Variants in NT5DC3 observed in about 807,000 individuals in gnomAD.
NT5DC3 encodes 5'-nucleotidase domain-containing protein 3.
NT5DC3 carries 42 observed loss-of-function variants against 67.8 expected under a neutral mutation model. That is an observed-to-expected ratio of 0.62 (90% confidence interval 0.48 to 0.80). The LOEUF (loss-of-function observed/expected upper bound fraction) is 0.80. NT5DC3 is among the 30% of genes least tolerant of loss of function. The pLI, the probability that NT5DC3 is intolerant of heterozygous loss-of-function variation, is 0.00. For synonymous variants in NT5DC3, 237 were observed against 255.6 expected, an observed-to-expected ratio of 0.93 and a Z score of 0.69; for missense variants, 570 against 696.4, an observed-to-expected ratio of 0.82 and a Z score of 2.04.
chr12:103,767,028 A>AAAT (rs1885008529), downstream of NT5DC3: 1 of 152,252 alleles, frequency 6.6e-6, no homozygotes, highest in South Asian at 2.1e-4. Flanking sequence ...TTTGGCAAAA[A>AAAT]AATAAGTTAA....
chr12:103,759,621 C>T, the NT5DC3 span, among the ~76,000 whole-genome samples: 1 of 152,132 alleles, frequency 6.6e-6, no homozygotes, highest in Non-Finnish European at 1.5e-5. Context: ...CTGCCACTTG[C>T]TAACTGTAAG....
At chr12:103,756,996 A>AAAAAAAAAAT in the NT5DC3 span, among the ~76,000 whole-genome samples, 3 of 56,380 alleles carry the variant, frequency 5.3e-5, no homozygotes, top group African/African-American at 3.1e-4. Context: ...AAGGAGGGAA[A>AAAAAAAAAAT]ATATATATAT....
chr12:103,801,057 G>A (rs1224669135), intron 4 of NT5DC3, among the ~76,000 whole-genome samples: 1 of 151,882 alleles, frequency 6.6e-6, no homozygotes, highest in African/African-American at 2.4e-5. Flanking sequence ...TAAACTATAG[G>A]TACAAAAATG....
At chr12:103,765,088 A>C in the NT5DC3 span, among the ~76,000 whole-genome samples, 8 of 56,450 alleles carry the variant, frequency 1.4e-4, no homozygotes, top group African/African-American at 1.6e-4. Flanking sequence ...CTCTGTCTCA[A>C]AAAAAAAAAA....
chr12:103,791,021 C>G (rs112089133), intron 9 of NT5DC3, among the ~76,000 whole-genome samples: 2 of 152,068 alleles, frequency 1.3e-5, no homozygotes, highest in Non-Finnish European at 2.9e-5. Context: ...GCATAATACC[C>G]CCTCACATGG....
intron 7 of NT5DC3, 25 bp downstream of exon 7, chr12:103,793,912 C>G (rs12831666): frequency 6.3e-7 from 1 of 1,586,396 alleles, no homozygotes; most frequent in East Asian, 2.2e-5. Flanking sequence ...CTGAAACTCT[C>G]TTCGTGATAC....
At chr12:103,759,251 C>A in the NT5DC3 span, 1 of 1,614,126 alleles carries the variant, frequency 6.2e-7, no homozygotes, top group Middle Eastern at 1.6e-4. Context: ...CTCATCACTG[C>A]CAGCCAGGAC....
chr12:103,767,204 AAATG>A (rs1177177956), downstream of NT5DC3, among the ~76,000 whole-genome samples: 5 of 152,260 alleles, frequency 3.3e-5, no homozygotes, highest in Non-Finnish European at 7.3e-5. Context: ...GCTGAAAAAT[AAATG>A]AAGCTGTGGT....
chr12:103,835,812 C>T lies in NT5DC3; in HGVS notation c.208+5137G>A, dbSNP rs576977775. ...CATCAAAGCCCAAACTCTGGTCCAA[C>T]GGTATATCAGTCCATTTTCACGCTG... On this transcript the variant is annotated intron_variant, in intron 1 of 13. Transcript: ENST00000392876. Among the ~76,000 whole-genome samples the T allele has an allele frequency of 5.3e-5, 8 of 152,228 alleles. No homozygotes were observed. The South Asian group carries it at 1.5e-3, about 28-fold the overall frequency.
chr12:103,756,947 C>T, the NT5DC3 span, among the ~76,000 whole-genome samples: 1 of 146,050 alleles, frequency 6.8e-6, no homozygotes, highest in Non-Finnish European at 1.5e-5. Flanking sequence ...AAAACATTTT[C>T]AGCAAATTAC....
chr12:103,807,149 T>C (rs1218553875), intron 2 of NT5DC3, among the ~76,000 whole-genome samples: 1 of 152,204 alleles, frequency 6.6e-6, no homozygotes, highest in East Asian at 1.9e-4. Flanking sequence ...CCTGTCCATC[T>C]GCCCAAGCAC....
At chr12:103,791,936 C>T (rs990394239) in intron 9 of NT5DC3, among the ~76,000 whole-genome samples, 4 of 152,188 alleles carry the variant, frequency 2.6e-5, no homozygotes, top group Admixed American at 6.5e-5. Flanking sequence ...GAAAAATTGT[C>T]GTCCATGAAA....
chr12:103,772,635 G>A lies in NT5DC3; in HGVS notation c.*5194C>T, dbSNP rs889977500. ...GGCTGAGCCGGCTGGGTACAGGCTT[G>A]TCAGGGAGAGGCACTGGGCTGTAAT... On this transcript the variant is annotated 3_prime_UTR_variant, in exon 14 of 14. Coordinates refer to ENST00000392876, the MANE Select transcript of NT5DC3 (RefSeq NM_001031701.3). 3 of 152,466 alleles carry A rather than the reference G, an allele frequency of 2.0e-5. No individual in the cohort carries two copies. The highest frequency in any genetic ancestry group is 1.3e-4 in the Admixed American group (2 of 15,290). The allele number at this position is 152,466 out of a possible 1,614,324, so 9.4% of individuals were successfully genotyped here.
At chr12:103,756,999 ATATATATATATAT>A in the NT5DC3 span, among the ~76,000 whole-genome samples, 2 of 47,248 alleles carry the variant, frequency 4.2e-5, no homozygotes, top group African/African-American at 1.1e-4. Flanking sequence ...GAGGGAAAAT[ATATATATATATAT>A]ATATATATAT....
the NT5DC3 span, chr12:103,758,217 A>G: frequency 1.9e-6 from 3 of 1,614,078 alleles, no homozygotes; most frequent in African/African-American, 4.0e-5. Flanking sequence ...GTGCATTTCT[A>G]GAACACCTGA....
rs560249141 is a variant in NT5DC3, at chr12:103,790,117, T to C, written c.1020-1198A>G. On this transcript the variant is annotated intron_variant, in intron 9 of 13. Coordinates refer to ENST00000392876, the MANE Select transcript of NT5DC3 (RefSeq NM_001031701.3). ...TTTTTTCCCAAATACATTTTTGGTTTTTTTGGAGAAAGGGTCTCACTCTGT... is the reference window on the plus strand; with the variant it reads ...TTTTTTCCCAAATACATTTTTGGTTCTTTTGGAGAAAGGGTCTCACTCTGT... Among the ~76,000 whole-genome samples, 18 of 152,288 alleles carry C rather than the reference T, an allele frequency of 1.2e-4. 1 individual carries two copies. The South Asian group carries it at 1.7e-3, about 14-fold the overall frequency.
Position 103,772,891 on chromosome 12 carries a change from G to C in NT5DC3, c.*4938C>G, listed in dbSNP as rs181778931. ...CAGCCAGCAGCACTCCCAGCTGTTA[G>C]GGGAGTATGTCCTTCAGTCTGGAAA... On this transcript the variant is annotated 3_prime_UTR_variant, in exon 14 of 14. Transcript: ENST00000392876. The C allele has an allele frequency of 6.6e-6, 1 of 152,430 alleles. No homozygotes were observed. Among genetic ancestry groups the C allele is most frequent in the Middle Eastern group, 3.4e-3 (1 of 294 alleles). The allele number at this position is 152,430 out of a possible 1,614,324, so 9.4% of individuals were successfully genotyped here. A position where few individuals can be genotyped will look rare whatever the true frequency, so the allele number is the denominator to read the frequency against.
In NT5DC3 at chr12:103,773,761, C is replaced by CT. The variant is rs1376930486; in HGVS notation, c.*4067dup. On this transcript the variant is annotated 3_prime_UTR_variant, in exon 14 of 14. Transcript: ENST00000392876. ...CCAGTATTTAGCCCAGTCTCTGCTG[C>CT]TTAAAAGGCCTTTTGAGAAGAGGAC... 1 of 152,442 alleles carries CT rather than the reference C, an allele frequency of 6.6e-6. No homozygotes were observed. Among genetic ancestry groups the CT allele is most frequent in the Non-Finnish European group, 1.5e-5 (1 of 68,038 alleles). The allele number at this position is 152,442 out of a possible 1,614,324, so 9.4% of individuals were successfully genotyped here.
chr12:103,784,970 C>A (rs571627767), intron 12 of NT5DC3, among the ~76,000 whole-genome samples: 2 of 152,166 alleles, frequency 1.3e-5, no homozygotes, highest in African/African-American at 4.8e-5. Flanking sequence ...CTTTATTTCA[C>A]AGATGGGGAA....
Sources: gnomAD v4.1 joint callset for allele counts (sites outside exome capture counted in the v4.1 genomes callset) on GRCh38, gnomAD v4.1.1 for gene constraint, MANE v1.5 for transcripts, NCBI Gene and HGNC (gene_info 2026-07-23, HGNC 2026-07-21) for gene names.